Variants in CHST8 observed in about 807,000 individuals in gnomAD.
CHST8 encodes carbohydrate sulfotransferase 8.
In CHST8, 10 loss-of-function variants were observed where a neutral mutation model predicts 15.0. The observed-to-expected ratio is 0.67, with a 90% CI of 0.41 to 1.13. The LOEUF (loss-of-function observed/expected upper bound fraction) is 1.13. Among genes scored for constraint, CHST8 ranks in the 50% most tolerant of loss-of-function variants. CHST8 has a pLI of 0.00. For missense variants in CHST8, 634 were observed against 608.2 expected (o/e 1.04, Z -0.45); for synonymous variants, 259 against 256.6 (o/e 1.01, Z -0.09).
At chr19:33,716,145 C>T (rs895643363) in intron 3 of CHST8, among the ~76,000 whole-genome samples, 9 of 152,174 alleles carry the variant, frequency 5.9e-5, no homozygotes, top group Admixed American at 2.0e-4. Context: ...TTTCAGTGTT[C>T]GTTGTAAAGA....
chr19:33,680,908 GATA>G (rs1427841336), intron 2 of CHST8, among the ~76,000 whole-genome samples: 1 of 152,118 alleles, frequency 6.6e-6, no homozygotes, highest in Admixed American at 6.5e-5. Context: ...TTAATTTTGA[GATA>G]ATAATATATT....
At chr19:33,651,029 C>A (rs116001699) in intron 1 of CHST8, among the ~76,000 whole-genome samples, 1,807 of 152,194 alleles carry the variant, frequency 0.012, 33 homozygotes, top group African/African-American at 0.041. Flanking sequence ...ATATGATTTG[C>A]AAATTTTATC....
At chr19:33,751,199 T>C (rs34525795) in intron 3 of CHST8, among the ~76,000 whole-genome samples, 11,787 of 152,170 alleles carry the variant, frequency 0.077, 532 homozygotes, top group Admixed American at 0.1. Flanking sequence ...GCACCCTCGC[T>C]TGGCCCGGCT....
intron 2 of CHST8, among the ~76,000 whole-genome samples, chr19:33,677,082 A>T (rs2145239588): frequency 6.6e-6 from 1 of 152,290 alleles, no homozygotes; most frequent in East Asian, 1.9e-4. Flanking sequence ...CACTATAAAA[A>T]CGCCTGTCTT....
intron 3 of CHST8, among the ~76,000 whole-genome samples, chr19:33,721,842 GGGAT>G (rs200145541): frequency 2.1e-5 from 3 of 144,670 alleles, no homozygotes; most frequent in Admixed American, 7.0e-5. Context: ...TTTGTATAGA[GGGAT>G]GGATGGATGG....
chr19:33,653,088 C>T (rs1972470013), intron 1 of CHST8, among the ~76,000 whole-genome samples: 1 of 152,192 alleles, frequency 6.6e-6, no homozygotes, highest in African/African-American at 2.4e-5. Flanking sequence ...TTTCTTTTCT[C>T]ACTCTTGCTT....
At chr19:33,658,160 TA>T (rs1275825569) in intron 1 of CHST8, among the ~76,000 whole-genome samples, 1 of 152,078 alleles carries the variant, frequency 6.6e-6, no homozygotes, top group Non-Finnish European at 1.5e-5. Context: ...GCCAACATGG[TA>T]AAAGCCTGTC....
intron 3 of CHST8, among the ~76,000 whole-genome samples, chr19:33,711,787 A>C (rs191779897): frequency 7.9e-5 from 12 of 152,192 alleles, no homozygotes; most frequent in Admixed American, 5.2e-4. Flanking sequence ...GCACGCCACC[A>C]CACCCAGCTA....
At chr19:33,754,262 T>C (rs4805057) in intron 3 of CHST8, among the ~76,000 whole-genome samples, 3,157 of 150,404 alleles carry the variant, frequency 0.021, 52 homozygotes, top group Non-Finnish European at 0.026. Flanking sequence ...TGCTATGAGC[T>C]GGGCCTGGGG....
At chr19:33,741,921 T>G (rs1179750667) in intron 3 of CHST8, among the ~76,000 whole-genome samples, 1 of 152,040 alleles carries the variant, frequency 6.6e-6, no homozygotes, top group Non-Finnish European at 1.5e-5. Flanking sequence ...TGGGGAGAAA[T>G]GCTCGCCAGA....
intron 1 of CHST8, among the ~76,000 whole-genome samples, chr19:33,661,932 A>C (rs1447793602): frequency 6.6e-6 from 1 of 151,378 alleles, no homozygotes; most frequent in Non-Finnish European, 1.5e-5. Context: ...GTTACTCAGG[A>C]GACTGAGGCA....
intron 1 of CHST8, among the ~76,000 whole-genome samples, chr19:33,646,423 G>A (rs915669299): frequency 6.6e-6 from 1 of 152,198 alleles, no homozygotes; most frequent in African/African-American, 2.4e-5. Flanking sequence ...GCTGGTCCAT[G>A]GGAAAGCAAG....
chr19:33,765,053 CATATAT>C (rs72103213), intron 3 of CHST8, among the ~76,000 whole-genome samples: 1 of 87,688 alleles, frequency 1.1e-5, no homozygotes, highest in African/African-American at 6.0e-5. Context: ...ACTATTCCAT[CATATAT>C]ATATATATAT....
chr19:33,671,400 C>T (rs1210846133), intron 2 of CHST8, among the ~76,000 whole-genome samples: 2 of 152,186 alleles, frequency 1.3e-5, no homozygotes, highest in Admixed American at 6.5e-5. Context: ...TGCCTGGCCT[C>T]TTCCTCCAAG....
chr19:33,772,714 C>T lies in CHST8; in HGVS notation c.926C>T (p.Pro309Leu), dbSNP rs1299136352. ...CGGACCGGCTCTGGGGTGCGTTTTC[C>T]CGAGTTCGTCCAGTACCTGCTGGAC... The part of the protein sequence containing the change: ...ALRTGSGVRF[P>L]EFVQYLLDVH... Residue 309 changes from proline to leucine, a missense_variant, in exon 5 of 5, where the codon CCC becomes CTC. By Grantham distance (98) the Pro-to-Leu change is moderately conservative (BLOSUM62 -3). Transcript: ENST00000650847. 1.2e-6 allele frequency: 2 copies of T among 1,613,430 alleles called. No individual in the cohort carries two copies. The highest frequency in any genetic ancestry group is 1.7e-6 in the Non-Finnish European group (2 of 1,179,976).
At position 33,685,744 on chromosome 19, in the gene CHST8, T is replaced by G. The variant is rs561253984; in HGVS notation, c.-86-3432T>G. On this transcript the variant is annotated intron_variant, in intron 2 of 4. Coordinates refer to ENST00000650847, the MANE Select transcript of CHST8 (RefSeq NM_001127895.2). ...TCCACTCCCCAGGCAGCAGCTGGAC[T>G]CCCAGGAGAGGGAGACAGACAGCTC... 2.0e-5 allele frequency among the ~76,000 whole-genome samples: 3 copies of G among 152,282 alleles called. No individual in the cohort carries two copies. The South Asian group carries it at 6.2e-4, about 32-fold the overall frequency.
intron 3 of CHST8, among the ~76,000 whole-genome samples, chr19:33,696,420 A>G (rs894414501): frequency 6.6e-6 from 1 of 152,222 alleles, no homozygotes; most frequent in Non-Finnish European, 1.5e-5. Flanking sequence ...ATCGGTGGCC[A>G]CATTAGAGTC....
Position 33,773,221 on chromosome 19 carries a change from G to A in CHST8, c.*158G>A. On this transcript the variant is annotated 3_prime_UTR_variant, in exon 5 of 5. Transcript: ENST00000650847. ...CAGCAGGCCCCGGGTGGGGGGCAGA[G>A]GCGCCCAGCCTTGGATGGGGACCCC... 2 of 831,942 alleles carry A rather than the reference G, an allele frequency of 2.4e-6. No individual in the cohort carries two copies. The highest frequency in any genetic ancestry group is 1.8e-5 in the South Asian group (1 of 54,522). The allele number at this position is 831,942 out of a possible 1,614,324, so 51.5% of individuals were successfully genotyped here. A position where few individuals can be genotyped will look rare whatever the true frequency, so the allele number is the denominator to read the frequency against.
chr19:33,749,286 G>A (rs1974369912), intron 3 of CHST8, among the ~76,000 whole-genome samples: 1 of 152,152 alleles, frequency 6.6e-6, no homozygotes. Flanking sequence ...CTGGCCAGCT[G>A]TGTGACCTTA....
Sources: allele counts gnomAD v4.1 joint callset (sites outside exome capture counted in the v4.1 genomes callset), GRCh38; gene constraint gnomAD v4.1.1; transcripts MANE v1.5; gene names NCBI Gene and HGNC (gene_info 2026-07-23, HGNC 2026-07-21).